Variants in GP2 observed in about 807,000 individuals in gnomAD.
The protein encoded by GP2 is pancreatic secretory granule membrane major glycoprotein GP2.
GP2 carries 58 observed loss-of-function variants against 60.8 expected under a neutral mutation model. The ratio of observed to expected loss-of-function variants is 0.95; its 90% CI spans 0.77 to 1.19. The LOEUF (loss-of-function observed/expected upper bound fraction) is 1.19. Among genes scored for constraint, GP2 ranks in the 50% most tolerant of loss-of-function variants. The pLI is 0.00. For missense variants in GP2, 647 were observed against 667.4 expected, an observed-to-expected ratio of 0.97 and a Z score of 0.34; for synonymous variants, 280 against 253.4, an observed-to-expected ratio of 1.10 and a Z score of -1.00.
chr16:20,326,491 T>A (rs1301049341), intron 1 of GP2, 24 bp from the exon 2 acceptor site: 3 of 1,597,856 alleles, frequency 1.9e-6, no homozygotes, highest in Non-Finnish European at 2.6e-6. Context: ...AAGACCAAGA[T>A]AAGATTAGGG....
chr16:20,326,273 C>T, intron 2 of GP2, 65 bp downstream of exon 2: 3 of 1,500,170 alleles, frequency 2.0e-6, no homozygotes, highest in Non-Finnish European at 2.8e-6. Context: ...ACCTTCTCTG[C>T]ACTTCTATCC....
intron 1 of GP2, chr16:20,326,782 G>C: frequency 4.8e-6 from 1 of 210,136 alleles, no homozygotes; most frequent in Non-Finnish European, 9.6e-6. Context: ...AGTAATGGCT[G>C]CCCTTTCTTA....
chr16:20,327,263 T>C (rs2141615441), intron 1 of GP2: 2 of 337,924 alleles, frequency 5.9e-6, no homozygotes, highest in East Asian at 7.6e-5. Flanking sequence ...GAGGGTGGCG[T>C]CCGTAGGCCT....
chr16:20,318,446 C>T lies in GP2; in HGVS notation c.1008-16G>A. 37 of 1,609,758 alleles carry T rather than the reference C, an allele frequency of 2.3e-5. No individual in the cohort carries two copies. Among genetic ancestry groups the T allele is most frequent in the Non-Finnish European group, 3.1e-5 (37 of 1,176,860 alleles). On this transcript the variant is annotated splice_polypyrimidine_tract_variant and intron_variant, in intron 6 of 10. Coordinates refer to ENST00000302555, the MANE Select transcript of GP2 (RefSeq NM_001502.4). ...GTTCAGGGAACTGAGAAAAAGAAAG[C>T]CACAAGAGTGGAAACCTCAGAGAAC...
intron 8 of GP2, 78 bp downstream of exon 8, chr16:20,317,135 A>G (rs1964203235): frequency 2.0e-6 from 1 of 508,184 alleles, no homozygotes; most frequent in East Asian, 3.9e-5. Flanking sequence ...TATAATTCCA[A>G]TAAATATATA....
At position 20,315,999 on chromosome 16, in the gene GP2, G is replaced by A. The variant is rs115115341; in HGVS notation, c.1458C>T (p.Ile486=). The A allele has an allele frequency of 2.8e-3, 4,467 of 1,613,170 alleles. 102 individuals are homozygous for A. In the African/African-American group the frequency reaches 0.05, roughly 18 times the overall value. ...RSQVRSEVPA[I]DLARVLDLGP... ...CCAAATCTAGAACCCGGGCTAGGTC[G>A]ATGGCCGGTACTTCACTGCGGACTT... The change falls in exon 9 of 11, where the codon ATC becomes ATT. Residue 486 remains isoleucine (I), a synonymous_variant. Transcript: ENST00000302555.
rs575694369 is a variant in GP2 at position 20,311,219 on chromosome 16, G to A, written c.*4C>T. The A allele has an allele frequency of 6.3e-7, 1 of 1,599,336 alleles. No individual in the cohort carries two copies. Among genetic ancestry groups the A allele is most frequent in the South Asian group, 1.1e-5 (1 of 90,818 alleles). ...ACTTCAAGGCCAGATGCTCAGCGGA[G>A]CTCTCAGAACAGCCAAGCCAGGAGG... On this transcript the variant is annotated 3_prime_UTR_variant, in exon 11 of 11. Coordinates refer to ENST00000302555, the MANE Select transcript of GP2 (RefSeq NM_001502.4).
chr16:20,323,493 C>CA, intron 3 of GP2: 2 of 618,198 alleles, frequency 3.2e-6, no homozygotes, highest in South Asian at 1.7e-5. Flanking sequence ...GTACCCCCCC[C>CA]CCCTTTTTTT....
rs1429453573 is a variant in GP2, at chr16:20,326,460, C to T, written c.-29G>A. ...GGTCACTTTGCTGTATGCAGACTTC[C>T]CATGCAGCTATGGGAAAGAAAAGAC... On this transcript the variant is annotated 5_prime_UTR_variant, in exon 2 of 11. Coordinates refer to ENST00000302555, the MANE Select transcript of GP2 (RefSeq NM_001502.4). 2 of 1,611,938 alleles carry T rather than the reference C, an allele frequency of 1.2e-6. No homozygotes were observed. The highest frequency in any genetic ancestry group is 1.1e-5 in the South Asian group (1 of 90,896).
In GP2 at chr16:20,317,241, C is replaced by T. The variant is rs1372751822; in HGVS notation, c.1388G>A (p.Cys463Tyr). ...LVFLHCEIHL[C>Y]DSLNEQCQPS... Reference sequence around the variant, plus strand: ...CTGGCACTGTTCATTAAGAGAATCACAGAGATGAATCTCACAATGCAGGAA... The same window carrying T: ...CTGGCACTGTTCATTAAGAGAATCATAGAGATGAATCTCACAATGCAGGAA... Residue 463 changes from cysteine (C) to tyrosine (Y), a missense_variant, in exon 8 of 11, where the codon TGT (cysteine) becomes TAT (tyrosine). Coordinates refer to ENST00000302555, the MANE Select transcript of GP2 (RefSeq NM_001502.4). 6.2e-7 allele frequency: 1 copy of T among 1,613,106 alleles called. No homozygotes were observed.
intron 10 of GP2, among the ~76,000 whole-genome samples, chr16:20,314,393 C>T (rs992572131): frequency 6.6e-6 from 1 of 151,686 alleles, no homozygotes; most frequent in Non-Finnish European, 1.5e-5. Flanking sequence ...TGCATAAGCT[C>T]TATGAGGGTA....
intron 2 of GP2, among the ~76,000 whole-genome samples, chr16:20,325,205 C>G (rs1964499107): frequency 6.6e-6 from 1 of 152,180 alleles, no homozygotes; most frequent in African/African-American, 2.4e-5. Flanking sequence ...GACTTAAGTC[C>G]CCTGAGACTC....
rs753641828 is a variant in GP2 at position 20,320,267 on chromosome 16, G to C, written c.853C>G (p.Leu285Val). Residue 285 changes from leucine (L) to valine (V), a missense_variant, in exon 5 of 11, where the codon CTG becomes GTG. Transcript: ENST00000302555. ...PVQASACRNI[L>V]ERNQTHAIYK... ...GTGGTGTGAAAGCCACTTACCTCCA[G>C]AATGTTCCTGCAGGCACTAGCCTGG... 1.2e-6 allele frequency: 2 copies of C among 1,611,458 alleles called. No homozygotes were observed. Among genetic ancestry groups the C allele is most frequent in the African/African-American group, 2.7e-5 (2 of 74,986 alleles).
intron 2 of GP2, among the ~76,000 whole-genome samples, chr16:20,325,860 G>A (rs1964517078): frequency 1.3e-5 from 2 of 152,092 alleles, no homozygotes; most frequent in Admixed American, 1.3e-4. Flanking sequence ...TTTTCCACTG[G>A]AGGCCTCCAA....
At chr16:20,318,089 G>T in intron 7 of GP2, 96 bp downstream of exon 7, 2 of 964,322 alleles carry the variant, frequency 2.1e-6, no homozygotes, top group Non-Finnish European at 3.3e-6. Context: ...GTTATGATAT[G>T]TAGTACAACT....
At chr16:20,322,612 G>A (rs1304993957) in intron 4 of GP2, among the ~76,000 whole-genome samples, 1 of 152,032 alleles carries the variant, frequency 6.6e-6, no homozygotes, top group African/African-American at 2.4e-5. Context: ...TCATCCCTCA[G>A]GGGTCAAGCC....
Position 20,309,822 on chromosome 16 carries a change from A to C in GP2, c.*1401T>G, listed in dbSNP as rs1250837123. The C allele has an allele frequency of 1.3e-5, 2 of 151,652 alleles. No individual in the cohort carries two copies. The highest frequency in any genetic ancestry group is 4.9e-5 in the African/African-American group (2 of 41,236). 9.4% of individuals were successfully genotyped at this position (151,652 alleles called of 1,614,324 possible). A position where few individuals can be genotyped will look rare whatever the true frequency, so the allele number is the denominator to read the frequency against. ...TTGTGCTCTTATGTCCTTATAATTA[A>C]CTCCCTTTTTGCCTGAGAAATTGTG... On this transcript the variant is annotated 3_prime_UTR_variant, in exon 11 of 11. Transcript: ENST00000302555.
Position 20,323,829 on chromosome 16 carries a change from C to A in GP2, c.522G>T (p.Leu174=), listed in dbSNP as rs753099220. The A allele has an allele frequency of 1.9e-6, 3 of 1,609,978 alleles. No individual in the cohort carries two copies. The highest frequency in any genetic ancestry group is 1.1e-5 in the South Asian group (1 of 90,314). ...TCTGCTGCTCACCTGTGCAGTATCT[C>A]AGATTACACCAGGGAGTGCCTTCCA... ...YRLEGTPWCN[L]RYCTDPSTVE... The change falls in exon 3 of 11, where the codon CTG becomes CTT. Residue 174 remains leucine (L), a synonymous_variant. Coordinates refer to ENST00000302555, the MANE Select transcript of GP2 (RefSeq NM_001502.4).
intron 1 of GP2, 57 bp from the exon 2 acceptor site, chr16:20,326,524 C>T (rs1964540305): frequency 1.4e-6 from 2 of 1,412,964 alleles, no homozygotes; most frequent in Admixed American, 2.1e-5. Context: ...TTCTTAGAAA[C>T]AGATCCGTTG....
Sources: allele counts gnomAD v4.1 joint callset (sites outside exome capture counted in the v4.1 genomes callset), GRCh38; gene constraint gnomAD v4.1.1; transcripts MANE v1.5; gene names NCBI Gene and HGNC (gene_info 2026-07-23, HGNC 2026-07-21).